Variants in NOL11 observed in about 807,000 individuals in gnomAD.
The protein encoded by NOL11 is nucleolar protein 11.
In NOL11, 42 loss-of-function variants were observed where a neutral mutation model predicts 93.0. The observed-to-expected ratio is 0.45, with a 90% CI of 0.35 to 0.58. The LOEUF (loss-of-function observed/expected upper bound fraction) is 0.58. Among genes scored for constraint, NOL11 ranks in the 20% least tolerant of loss-of-function variants. The pLI is 0.00. For synonymous variants in NOL11, 296 were observed against 293.7 expected (o/e 1.01, Z -0.08); for missense variants, 775 against 841.8 (o/e 0.92, Z 0.98).
intron 16 of NOL11, among the ~76,000 whole-genome samples, chr17:67,741,543 G>C (rs2055256795): frequency 6.6e-6 from 1 of 151,504 alleles, no homozygotes; most frequent in Admixed American, 6.6e-5. Flanking sequence ...ATTTTTCAGT[G>C]GTTATTTTTT....
At chr17:67,721,835 C>G (rs189742010) in intron 4 of NOL11, among the ~76,000 whole-genome samples, 72 of 152,248 alleles carry the variant, frequency 4.7e-4, no homozygotes, top group African/African-American at 1.6e-3. Flanking sequence ...CATCCTTGTC[C>G]CCTGGCTAAA....
Position 67,726,523 on chromosome 17 carries a change from A to G in NOL11, c.728A>G (p.Gln243Arg). 1 of 1,614,180 alleles carries G rather than the reference A, an allele frequency of 6.2e-7. No homozygotes were observed. Among genetic ancestry groups the G allele is most frequent in the Non-Finnish European group, 8.5e-7 (1 of 1,180,032 alleles). Reference sequence around the variant, plus strand: ...CGTCCAGCTGACCCAGAAAAAAATCAGAGCTTAGTTAAATCACTGCTGCTC... The same window carrying G: ...CGTCCAGCTGACCCAGAAAAAAATCGGAGCTTAGTTAAATCACTGCTGCTC... ...PIRPADPEKNQSLVKSLLLKA... is the reference protein window; with the variant it reads ...PIRPADPEKNRSLVKSLLLKA... The change falls in exon 7 of 18, where the codon CAG becomes CGG. Residue 243 changes from glutamine to arginine, a missense_variant. By Grantham distance (43) the Gln-to-Arg change is conservative (BLOSUM62 1). This residue lies in a region of NOL11 where 359 missense variants were observed against 316.5 expected (regional missense o/e 1.13). Transcript: ENST00000253247.
At chr17:67,732,932 T>C (rs2055167859) in intron 7 of NOL11, among the ~76,000 whole-genome samples, 1 of 152,126 alleles carries the variant, frequency 6.6e-6, no homozygotes, top group African/African-American at 2.4e-5. Context: ...CTGATTTTTG[T>C]ATGTTGATCT....
chr17:67,723,836 G>A (rs1347290993), intron 5 of NOL11, among the ~76,000 whole-genome samples: 1 of 152,036 alleles, frequency 6.6e-6, no homozygotes, highest in Non-Finnish European at 1.5e-5. Context: ...AGCCTGGGAG[G>A]TGGAGGTTGC....
At chr17:67,731,904 C>A (rs1567802564) in intron 7 of NOL11, among the ~76,000 whole-genome samples, 1 of 152,170 alleles carries the variant, frequency 6.6e-6, no homozygotes, top group Non-Finnish European at 1.5e-5. Context: ...GAAGTATGAG[C>A]TCTCCAACTT....
rs780602643 is a variant in NOL11, at chr17:67,737,555, T to C, written c.1266T>C (p.Ala422=). 2 of 1,611,290 alleles carry C rather than the reference T, an allele frequency of 1.2e-6. No homozygotes were observed. The highest frequency in any genetic ancestry group is 1.1e-5 in the South Asian group (1 of 90,344). The change falls in exon 12 of 18, where the codon GCT becomes GCC. Residue 422 remains alanine (A), a synonymous_variant. Transcript: ENST00000253247. ...HIEVEVRKFL[A]LKQTPDFHTV... is the part of the protein sequence containing the mutation. Reference sequence around the variant, plus strand: ...AAGTAGAAGTACGGAAATTTTTGGCTCTGAAGCAGACACCTGACTTTCATA... The same window carrying C: ...AAGTAGAAGTACGGAAATTTTTGGCCCTGAAGCAGACACCTGACTTTCATA...
At chr17:67,736,552 C>T in intron 9 of NOL11, 114 bp from the exon 10 acceptor site, 1 of 656,158 alleles carries the variant, frequency 1.5e-6, no homozygotes, top group East Asian at 2.8e-5. Flanking sequence ...ACATGGACTT[C>T]AAAGCCTCTC....
In NOL11 at chr17:67,717,956, G is replaced by C; in HGVS notation, c.9G>C (p.Ala3=). ...ACTTAGGTTTGCTCAAAATGGCAGC[G>C]CTGGAGGAAGAATTCACGTTGTCTT... MA[A]LEEEFTLSSV... Residue 3 remains alanine, a synonymous_variant, in exon 1 of 18, where the codon GCG becomes GCC. Transcript: ENST00000253247. 1 of 1,614,214 alleles carries C rather than the reference G, an allele frequency of 6.2e-7. No homozygotes were observed. Among genetic ancestry groups the C allele is most frequent in the East Asian group, 2.2e-5 (1 of 44,890 alleles).
At position 67,739,626 on chromosome 17, in the gene NOL11, CTTTGA is replaced by C. The variant is rs4020083; in HGVS notation, c.1935+23_1935+27del. 2.4e-3 allele frequency: 3,561 copies of C among 1,476,954 alleles called. 66 individuals are homozygous for C. In the African/African-American group the frequency reaches 0.044, roughly 18 times the overall value. 91.5% of individuals were successfully genotyped at this position (1,476,954 alleles called of 1,614,324 possible). On this transcript the variant is annotated intron_variant, in intron 16 of 17. Transcript: ENST00000253247. Reference sequence around the variant, plus strand: ...TGAACCAGGTGAGATTATTTTTTTACTTTGATTTGGTGCTGGGAAAAATCTGTGAA... The same window carrying C: ...TGAACCAGGTGAGATTATTTTTTTACTTTGGTGCTGGGAAAAATCTGTGAA...
intron 5 of NOL11, among the ~76,000 whole-genome samples, chr17:67,723,806 C>T (rs777170788): frequency 3.3e-5 from 5 of 151,410 alleles, no homozygotes; most frequent in Non-Finnish European, 7.4e-5. Flanking sequence ...TTTGGGAGGC[C>T]GAGGTGGGAG....
At chr17:67,727,671 A>C (rs1043497780) in intron 7 of NOL11, among the ~76,000 whole-genome samples, 1 of 151,254 alleles carries the variant, frequency 6.6e-6, no homozygotes, top group African/African-American at 2.4e-5. Flanking sequence ...AAAAAAAAAG[A>C]TAGGAGCTCC....
intron 7 of NOL11, among the ~76,000 whole-genome samples, chr17:67,730,316 A>T (rs190472938): frequency 6.6e-6 from 1 of 152,100 alleles, no homozygotes; most frequent in Non-Finnish European, 1.5e-5. Flanking sequence ...GCTAGAGTGC[A>T]GTGGTGCAAT....
intron 16 of NOL11, among the ~76,000 whole-genome samples, chr17:67,742,496 CAG>C (rs1270749526): frequency 6.6e-6 from 1 of 152,070 alleles, no homozygotes; most frequent in Admixed American, 6.6e-5. Flanking sequence ...TAATTTTTGA[CAG>C]ATACTTTTTC....
intron 1 of NOL11, chr17:67,719,286 AG>A (rs1008782599): frequency 6.5e-6 from 1 of 153,092 alleles, no homozygotes; most frequent in African/African-American, 2.4e-5. Context: ...GTAATTCCAG[AG>A]GTTTGGGAGG....
chr17:67,730,085 G>A (rs1249070833), intron 7 of NOL11, among the ~76,000 whole-genome samples: 2 of 152,092 alleles, frequency 1.3e-5, no homozygotes, highest in Non-Finnish European at 2.9e-5. Flanking sequence ...ATGTATCAGT[G>A]TTTCATTCCT....
intron 9 of NOL11, 196 bp from the exon 10 acceptor site, chr17:67,736,470 G>T: frequency 1.9e-6 from 1 of 533,662 alleles, no homozygotes; most frequent in South Asian, 2.7e-5. Context: ...GGCCTCATCT[G>T]TTAGCTTAAC....
At chr17:67,723,458 G>A (rs2055054976) in intron 5 of NOL11, among the ~76,000 whole-genome samples, 2 of 116,472 alleles carry the variant, frequency 1.7e-5, no homozygotes, top group African/African-American at 3.4e-5. Flanking sequence ...GCACAATCTC[G>A]GCTCACTGCA....
chr17:67,720,678 T>C (rs562902797), intron 3 of NOL11, among the ~76,000 whole-genome samples: 1 of 152,368 alleles, frequency 6.6e-6, no homozygotes, highest in South Asian at 2.1e-4. Flanking sequence ...GTGCATGTTC[T>C]ACTGATGACC....
intron 5 of NOL11, 119 bp downstream of exon 5, chr17:67,722,756 T>C: frequency 3.0e-6 from 4 of 1,345,194 alleles, no homozygotes; most frequent in Non-Finnish European, 3.9e-6. Flanking sequence ...GCCACGATGG[T>C]TCACTGCAGC....
Sources: gnomAD v4.1 joint callset for allele counts (sites outside exome capture counted in the v4.1 genomes callset) on GRCh38, gnomAD v4.1.1 for gene constraint, gnomAD v4.1.1 regional missense constraint, MANE v1.5 for transcripts, NCBI Gene and HGNC (gene_info 2026-07-23, HGNC 2026-07-21) for gene names.